Variants in ADCY4 observed in about 807,000 individuals in gnomAD.
The protein encoded by ADCY4 is adenylate cyclase type 4.
A neutral mutation model predicts 125.5 loss-of-function variants in ADCY4; 111 were observed. That is an observed-to-expected ratio of 0.88 (90% CI 0.76 to 1.04). ADCY4 has a LOEUF of 1.04. Ranked by LOEUF, ADCY4 falls within the 50% of genes least tolerant of loss-of-function variation. The pLI is 0.00. For synonymous variants in ADCY4, 576 were observed against 586.9 expected (o/e 0.98, Z 0.27); for missense variants, 1,256 against 1,382.9 (o/e 0.91, Z 1.46).
intron 4 of ADCY4, 135 bp downstream of exon 4, chr14:24,331,653 C>T: frequency 2.4e-5 from 31 of 1,294,844 alleles, no homozygotes; most frequent in Non-Finnish European, 3.2e-5. Context: ...ATGGGCAATA[C>T]CCACATTTTA....
rs577384614 is a variant in ADCY4, at chr14:24,320,748, C to T, written c.2587-860G>A. Among the ~76,000 whole-genome samples the T allele has an allele frequency of 2.0e-4, 30 of 152,290 alleles. No homozygotes were observed. The East Asian group carries it at 2.3e-3, about 12-fold the overall frequency. On this transcript the variant is annotated intron_variant, in intron 20 of 24. Transcript: ENST00000418030. ...GAAATTTTTGCAATGGAAACATTCC[C>T]TATGTGCAGTGTCCAATAGGGTGGC...
At chr14:24,331,583 A>G (rs903742586) in intron 4 of ADCY4, 5 of 919,110 alleles carry the variant, frequency 5.4e-6, no homozygotes, top group East Asian at 5.4e-5. Context: ...ACTTAATATC[A>G]TAATGCTCTA....
intron 20 of ADCY4, 147 bp downstream of exon 20, chr14:24,321,919 G>A (rs907454213): frequency 1.4e-6 from 2 of 1,401,008 alleles, no homozygotes; most frequent in Non-Finnish European, 1.9e-6. Context: ...AATCTAAGAT[G>A]TTGTGAAAAC....
chr14:24,318,810 A>G (rs766579000), intron 23 of ADCY4, 32 bp from the exon 24 acceptor site: 1 of 1,613,312 alleles, frequency 6.2e-7, no homozygotes, highest in East Asian at 2.2e-5. Context: ...ACAGACTTGG[A>G]GAAGGAAGAG....
At chr14:24,322,324 C>A in intron 19 of ADCY4, 100 bp from the exon 20 acceptor site, 1 of 1,333,834 alleles carries the variant, frequency 7.5e-7, no homozygotes. Flanking sequence ...ACCACCCCCA[C>A]CCCACCCCCA....
At chr14:24,326,479 G>T in intron 10 of ADCY4, 137 bp from the exon 11 acceptor site, 1 of 1,022,708 alleles carries the variant, frequency 9.8e-7, no homozygotes, top group Non-Finnish European at 1.5e-6. Context: ...TGCCTCTAAT[G>T]ACCTCTCTGT....
intron 19 of ADCY4, 128 bp from the exon 20 acceptor site, chr14:24,322,352 A>G: frequency 9.0e-7 from 1 of 1,113,482 alleles, no homozygotes; most frequent in Non-Finnish European, 1.3e-6. Flanking sequence ...AGTAGAGCTT[A>G]AGGTGTAAGT....
chr14:24,326,571 T>TGTG, intron 10 of ADCY4: 2 of 276,802 alleles, frequency 7.2e-6, no homozygotes, highest in Non-Finnish European at 1.4e-5. Context: ...CCCAGGATCT[T>TGTG]TGTGTGTGTG....
In ADCY4 at chr14:24,319,090, T is replaced by A. The variant is rs779619111; in HGVS notation, c.2956+8A>T. Reference sequence around the variant, plus strand: ...TACCAGACTGCTGCAGCAGGGGAAGTCTCTCACCCACTCGCAGGCGGAAGT... The same window carrying A: ...TACCAGACTGCTGCAGCAGGGGAAGACTCTCACCCACTCGCAGGCGGAAGT... On this transcript the variant is annotated splice_region_variant and intron_variant, in intron 23 of 24. Transcript: ENST00000418030. The surrounding 1 kb of genome is among the most constrained non-coding windows in gnomAD (Gnocchi z 4.5). 6.2e-7 allele frequency: 1 copy of A among 1,613,610 alleles called. No individual in the cohort carries two copies. The highest frequency in any genetic ancestry group is 8.5e-7 in the Non-Finnish European group (1 of 1,179,714).
At position 24,334,731 on chromosome 14, in the gene ADCY4, G is replaced by C. The variant is rs2042107013; in HGVS notation, c.-79C>G. On this transcript the variant is annotated 5_prime_UTR_variant, in exon 1 of 25. Coordinates refer to ENST00000418030, the MANE Select transcript of ADCY4 (RefSeq NM_001198568.2). The stretch of plus-strand genomic sequence containing the variant: ...TCCTTCGGCCCGGCGGGCCCCACCT[G>C]AGCTTTTCTCACCCGCTCAAAGCCG... 1 of 1,244,916 alleles carries C rather than the reference G, an allele frequency of 8.0e-7. No homozygotes were observed. Among genetic ancestry groups the C allele is most frequent in the Admixed American group, 2.9e-5 (1 of 34,252 alleles). The allele number at this position is 1,244,916 out of a possible 1,614,324, so 77.1% of individuals were successfully genotyped here. A position where few individuals can be genotyped will look rare whatever the true frequency, so the allele number is the denominator to read the frequency against.
intron 10 of ADCY4, among the ~76,000 whole-genome samples, chr14:24,328,233 G>GGA (rs1555316920): frequency 1.0e-5 from 1 of 99,822 alleles, no homozygotes; most frequent in Non-Finnish European, 2.1e-5. Flanking sequence ...AAGCGGGGTG[G>GGA]GGGGGGGGGT....
chr14:24,333,983 G>GA (rs1255410588), intron 1 of ADCY4, among the ~76,000 whole-genome samples: 1 of 152,236 alleles, frequency 6.6e-6, no homozygotes, highest in East Asian at 1.9e-4. Context: ...TCCAAGCAGT[G>GA]AAAAGAAAAC....
chr14:24,323,276 A>G, intron 17 of ADCY4, 68 bp downstream of exon 17: 4 of 1,468,774 alleles, frequency 2.7e-6, no homozygotes, highest in South Asian at 1.2e-5. Flanking sequence ...TCCTCCACTC[A>G]GGGGGCTGTG....
chr14:24,319,596 G>A lies in ADCY4; in HGVS notation c.2733+146C>T. 8.1e-7 allele frequency: 1 copy of A among 1,235,674 alleles called. No individual in the cohort carries two copies. Among genetic ancestry groups the A allele is most frequent in the East Asian group, 2.5e-5 (1 of 40,300 alleles). The allele number at this position is 1,235,674 out of a possible 1,614,324, so 76.5% of individuals were successfully genotyped here. A position where few individuals can be genotyped will look rare whatever the true frequency, so the allele number is the denominator to read the frequency against. On this transcript the variant is annotated intron_variant, in intron 21 of 24. Coordinates refer to ENST00000418030, the MANE Select transcript of ADCY4 (RefSeq NM_001198568.2). The surrounding 1 kb of genome is among the most constrained non-coding windows in gnomAD (Gnocchi z 4.5). ...GGTGGTGGGCAGTGTTGCTGGAGTG[G>A]GTAGATCTGGGGGATCAGAGGAGGT...
intron 3 of ADCY4, 101 bp from the exon 4 acceptor site, chr14:24,332,038 A>G (rs1467106162): frequency 7.4e-7 from 1 of 1,353,718 alleles, no homozygotes; most frequent in East Asian, 2.8e-5. Flanking sequence ...TGGGCTTTAC[A>G]GTGAGGGACC....
Position 24,318,617 on chromosome 14 carries a change from T to A in ADCY4, c.3081+37A>T, listed in dbSNP as rs1417397153. On this transcript the variant is annotated intron_variant, in intron 24 of 24. Coordinates refer to ENST00000418030, the MANE Select transcript of ADCY4 (RefSeq NM_001198568.2). The stretch of plus-strand genomic sequence containing the variant: ...AATATGGAGGTGGCCCTATTCTTAG[T>A]CCCCCTCCCCCTATGCCTCCAATGT... 4 of 1,613,932 alleles carry A rather than the reference T, an allele frequency of 2.5e-6. No homozygotes were observed. The Admixed American group carries it at 5.0e-5, about 20-fold the overall frequency.
In ADCY4 at chr14:24,326,314, T is replaced by G; in HGVS notation, c.1553A>C (p.Gln518Pro). 2.5e-6 allele frequency: 4 copies of G among 1,614,050 alleles called. No homozygotes were observed. The highest frequency in any genetic ancestry group is 3.4e-6 in the Non-Finnish European group (4 of 1,180,004). The change falls in exon 11 of 25, where the codon CAG (glutamine) becomes CCG (proline). Residue 518 changes from glutamine to proline, a missense_variant. Gln to Pro is a moderately conservative substitution (Grantham distance 76). Coordinates refer to ENST00000418030, the MANE Select transcript of ADCY4 (RefSeq NM_001198568.2). Reference sequence around the variant, plus strand: ...GCCTCCTCACCGATCCAGGCTCCACTGGGTGCTGAAGGAAGCCAGGGTCTT... The same window carrying G: ...GCCTCCTCACCGATCCAGGCTCCACGGGGTGCTGAAGGAAGCCAGGGTCTT... ...PEKTLASFST[Q>P]WSLDRSRTPR...
At position 24,329,096 on chromosome 14, in the gene ADCY4, C is replaced by T. The variant is rs377492744; in HGVS notation, c.1489G>A (p.Gly497Arg). 31 of 1,613,842 alleles carry T rather than the reference C, an allele frequency of 1.9e-5. No individual in the cohort carries two copies. In the African/African-American group the frequency reaches 2.1e-4, roughly 11 times the overall value. Residue 497 changes from glycine (G) to arginine (R), a missense_variant, in exon 10 of 25, where the codon GGA becomes AGA. By Grantham distance (125) the Gly-to-Arg change is moderately radical (BLOSUM62 -2). Transcript: ENST00000418030. ...GTGGAGGTGGACACAGGGCTGTCTCCGTGGCTCAGGTGGGCAAAAGGCTTG... is the reference window on the plus strand; with the variant it reads ...GTGGAGGTGGACACAGGGCTGTCTCTGTGGCTCAGGTGGGCAAAAGGCTTG... ...AAKPFAHLSH[G>R]DSPVSTSTPL...
rs754633204 is a variant in ADCY4, at chr14:24,319,100, A to G, written c.2954T>C (p.Val985Ala). Residue 985 changes from valine (V) to alanine (A), a missense_variant and splice_region_variant, in exon 23 of 25, where the codon GTG (valine) becomes GCG (alanine). Transcript: ENST00000418030. The surrounding 1 kb of genome is among the most constrained non-coding windows in gnomAD (Gnocchi z 4.5). ...KHSFNNFRLR[V>A]GLNHGPVVAG... is the part of the protein sequence containing the mutation. ...CTGCAGCAGGGGAAGTCTCTCACCC[A>G]CTCGCAGGCGGAAGTTGTTGAATGA... is the stretch of plus-strand genomic sequence containing the variant. 1 of 1,613,972 alleles carries G rather than the reference A, an allele frequency of 6.2e-7. No individual in the cohort carries two copies. The highest frequency in any genetic ancestry group is 1.1e-5 in the South Asian group (1 of 91,078).
Sources: allele counts gnomAD v4.1 joint callset (sites outside exome capture counted in the v4.1 genomes callset), GRCh38; gene constraint gnomAD v4.1.1; non-coding constraint Gnocchi (gnomAD v3.1); transcripts MANE v1.5; gene names NCBI Gene and HGNC (gene_info 2026-07-23, HGNC 2026-07-21).